Variants in MT1B observed in about 807,000 individuals in gnomAD.
MT1B encodes the protein metallothionein-1B.
A neutral mutation model predicts 7.9 loss-of-function variants in MT1B; 4 were observed. The ratio of observed to expected loss-of-function variants is 0.51; its 90% CI spans 0.25 to 1.16. The LOEUF (loss-of-function observed/expected upper bound fraction) is 1.16. Ranked by LOEUF, MT1B falls within the 50% of genes most tolerant of loss-of-function variation. The pLI is 0.15. For missense variants in MT1B, 76 were observed against 75.2 expected, an observed-to-expected ratio of 1.01 and a Z score of -0.04; for synonymous variants, 22 against 27.6, an observed-to-expected ratio of 0.80 and a Z score of 0.63.
At chr16:56,652,525 T>C in intron 1 of MT1B, 46 bp from the exon 2 acceptor site, 1 of 1,580,822 alleles carries the variant, frequency 6.3e-7, no homozygotes, top group South Asian at 1.1e-5. Context: ...CTGCTGTACC[T>C]TCTGCATCTT....
At chr16:56,652,882 GT>G in intron 2 of MT1B, 91 bp from the exon 3 acceptor site, 1 of 1,419,298 alleles carries the variant, frequency 7.0e-7, no homozygotes, top group Non-Finnish European at 9.9e-7. Flanking sequence ...TCCTCTGGGT[GT>G]GGGGGCTGAA....
intron 1 of MT1B, 47 bp from the exon 2 acceptor site, chr16:56,652,524 C>T (rs1238539350): frequency 6.3e-7 from 1 of 1,578,180 alleles, no homozygotes; most frequent in Non-Finnish European, 8.7e-7. Context: ...ACTGCTGTAC[C>T]TTCTGCATCT....
At chr16:56,652,265 G>A (rs76335878) in intron 1 of MT1B, among the ~76,000 whole-genome samples, 157 of 152,352 alleles carry the variant, frequency 1.0e-3, no homozygotes, top group South Asian at 6.0e-3. Flanking sequence ...CTGAGCAGCC[G>A]GGAAGGGTGA....
intron 2 of MT1B, among the ~76,000 whole-genome samples, 156 bp downstream of exon 2, chr16:56,652,792 G>C (rs1875233): frequency 2.0e-5 from 3 of 152,028 alleles, no homozygotes; most frequent in East Asian, 3.9e-4. Flanking sequence ...GAGCTCAGAT[G>C]GGTCAGGGCA....
chr16:56,652,459 G>C, intron 1 of MT1B, 112 bp from the exon 2 acceptor site: 1 of 1,033,012 alleles, frequency 9.7e-7, no homozygotes, highest in South Asian at 1.3e-5. Context: ...AGTGGGAAAG[G>C]AGCTCTGATG....
At chr16:56,652,951 C>T in intron 2 of MT1B, 23 bp from the exon 3 acceptor site, 4 of 1,611,808 alleles carry the variant, frequency 2.5e-6, no homozygotes, top group Non-Finnish European at 3.4e-6. Context: ...GCTGTGACCT[C>T]TCACTCTCCC....
chr16:56,652,559 G>T lies in MT1B; in HGVS notation c.29-12G>T, dbSNP rs964374. 810,713 of 1,612,536 alleles carry T rather than the reference G, an allele frequency of 0.5. 206,790 individuals are homozygous for T. The highest frequency in any genetic ancestry group is 0.52 in the Non-Finnish European group (616,975 of 1,179,066). On this transcript the variant is annotated splice_polypyrimidine_tract_variant and intron_variant, in intron 1 of 2. Transcript: ENST00000334346. ...TTACTCACTGCCCACTGCCTTTTTC[G>T]CTTCCTTGCAGGTGGCTCCTGTGCC... is the stretch of plus-strand genomic sequence containing the variant.
chr16:56,652,434 T>A, intron 1 of MT1B, 137 bp from the exon 2 acceptor site: 1 of 861,020 alleles, frequency 1.2e-6, no homozygotes, highest in Non-Finnish European at 1.9e-6. Context: ...ATGGGGCTTC[T>A]GTTCCTCCGC....
In MT1B at chr16:56,653,001, G is replaced by T. The variant is rs142263549; in HGVS notation, c.122G>T (p.Cys41Phe). ...TGCTGCTCTTGCTGCCCCGTGGGCT[G>T]TGCCAAGTGTGCCCAGGGCTGTGTC... ...KCCCSCCPVG[C>F]AKCAQGCVCK... The change falls in exon 3 of 3, where the codon TGT (cysteine) becomes TTT (phenylalanine). Residue 41 changes from cysteine (C) to phenylalanine (F), a missense_variant. Cys to Phe is a radical substitution (Grantham distance 205). Coordinates refer to ENST00000334346, the MANE Select transcript of MT1B (RefSeq NM_005947.3). 1 of 1,613,522 alleles carries T rather than the reference G, an allele frequency of 6.2e-7. No individual in the cohort carries two copies. The highest frequency in any genetic ancestry group is 8.5e-7 in the Non-Finnish European group (1 of 1,179,990).
chr16:56,652,627 T>C lies in MT1B; in HGVS notation c.85T>C (p.Cys29Arg). The C allele has an allele frequency of 6.2e-7, 1 of 1,614,004 alleles. No homozygotes were observed. Among genetic ancestry groups the C allele is most frequent in the Non-Finnish European group, 8.5e-7 (1 of 1,179,924 alleles). The change falls in exon 2 of 3, where the codon TGC becomes CGC. Residue 29 changes from cysteine (C) to arginine (R), a missense_variant. By Grantham distance (180) the Cys-to-Arg change is radical. Transcript: ENST00000334346. ...GTGCAAAGAGTGCAAATGTACCTCCTGCAAGAAGTGTGAGTGTGGGATCAT... is the reference window on the plus strand; with the variant it reads ...GTGCAAAGAGTGCAAATGTACCTCCCGCAAGAAGTGTGAGTGTGGGATCAT... ...CKCKECKCTSCKKCCCSCCPV... is the reference protein window; with the variant it reads ...CKCKECKCTSRKKCCCSCCPV...
Position 56,652,994 on chromosome 16 carries a change from G to A in MT1B, c.115G>A (p.Val39Met), listed in dbSNP as rs201699564. 367 of 1,613,350 alleles carry A rather than the reference G, an allele frequency of 2.3e-4. 1 individual carries two copies. Among genetic ancestry groups the A allele is most frequent in the Admixed American group, 9.7e-4 (58 of 60,024 alleles). ...CKKCCCSCCP[V>M]GCAKCAQGCV... ...CCCAGGCTGCTGCTCTTGCTGCCCC[G>A]TGGGCTGTGCCAAGTGTGCCCAGGG... The change falls in exon 3 of 3, where the codon GTG becomes ATG. Residue 39 changes from valine to methionine, a missense_variant. By Grantham distance (21) the Val-to-Met change is conservative (BLOSUM62 1). Transcript: ENST00000334346.
In MT1B at chr16:56,652,598, G is replaced by C. The variant is rs61744104; in HGVS notation, c.56G>C (p.Cys19Ser). The C allele has an allele frequency of 5.5e-3, 8,881 of 1,613,984 alleles. 43 individuals are homozygous for C. Among genetic ancestry groups the C allele is most frequent in the African/African-American group, 9.7e-3 (726 of 75,048 alleles). ...TGGSCACAGS[C>S]KCKECKCTSC... ...GGCTCCTGTGCCTGCGCCGGCTCCT[G>C]CAAGTGCAAAGAGTGCAAATGTACC... is the stretch of plus-strand genomic sequence containing the variant. The change falls in exon 2 of 3, where the codon TGC becomes TCC. Residue 19 changes from cysteine to serine, a missense_variant. By Grantham distance (112) the Cys-to-Ser change is moderately radical. Transcript: ENST00000334346.
rs142263549 is a variant in MT1B at position 56,653,001 on chromosome 16, G to C, written c.122G>C (p.Cys41Ser). The change falls in exon 3 of 3, where the codon TGT becomes TCT. Residue 41 changes from cysteine to serine, a missense_variant. Coordinates refer to ENST00000334346, the MANE Select transcript of MT1B (RefSeq NM_005947.3). ...KCCCSCCPVG[C>S]AKCAQGCVCK... Reference sequence around the variant, plus strand: ...TGCTGCTCTTGCTGCCCCGTGGGCTGTGCCAAGTGTGCCCAGGGCTGTGTC... The same window carrying C: ...TGCTGCTCTTGCTGCCCCGTGGGCTCTGCCAAGTGTGCCCAGGGCTGTGTC... 2,396 of 1,613,510 alleles carry C rather than the reference G, an allele frequency of 1.5e-3. 11 individuals carry two copies. The highest frequency in any genetic ancestry group is 1.3e-3 in the Non-Finnish European group (1,565 of 1,179,984).
chr16:56,652,739 G>A (rs1344310319), intron 2 of MT1B, 103 bp downstream of exon 2: 22 of 1,427,970 alleles, frequency 1.5e-5, no homozygotes, highest in Non-Finnish European at 1.2e-5. Flanking sequence ...GTCTTCCTTT[G>A]CCCCTGTTGG....
In MT1B at chr16:56,653,013, C is replaced by T; in HGVS notation, c.134C>T (p.Ala45Val). 1.2e-6 allele frequency: 2 copies of T among 1,613,574 alleles called. No individual in the cohort carries two copies. The highest frequency in any genetic ancestry group is 1.7e-6 in the Non-Finnish European group (2 of 1,179,974). Residue 45 changes from alanine to valine, a missense_variant, in exon 3 of 3, where the codon GCC becomes GTC. By Grantham distance (64) the Ala-to-Val change is moderately conservative. Transcript: ENST00000334346. ...SCCPVGCAKC[A>V]QGCVCKGSSE... ...TGCCCCGTGGGCTGTGCCAAGTGTG[C>T]CCAGGGCTGTGTCTGCAAAGGCTCA... is the stretch of plus-strand genomic sequence containing the variant.
At position 56,653,053 on chromosome 16, in the gene MT1B, C is replaced by T. The variant is rs1960575700; in HGVS notation, c.174C>T (p.Arg58=). 6.2e-7 allele frequency: 1 copy of T among 1,613,996 alleles called. No homozygotes were observed. Among genetic ancestry groups the T allele is most frequent in the Non-Finnish European group, 8.5e-7 (1 of 1,179,978 alleles). Residue 58 remains arginine, a synonymous_variant, in exon 3 of 3, where the codon CGC becomes CGT. Transcript: ENST00000334346. The part of the protein sequence containing the change: ...CVCKGSSEKC[R]CCA ...GCAAAGGCTCATCAGAGAAGTGCCG[C>T]TGCTGTGCCTGATGTTGGGAGAGCC...
intron 2 of MT1B, 51 bp downstream of exon 2, chr16:56,652,687 G>A (rs779339207): frequency 1.9e-6 from 3 of 1,605,166 alleles, no homozygotes; most frequent in East Asian, 2.2e-5. Context: ...AAGCTTGGAA[G>A]GGAACACAAG....
chr16:56,652,757 A>G, intron 2 of MT1B, 121 bp downstream of exon 2: 1 of 1,337,758 alleles, frequency 7.5e-7, no homozygotes, highest in Non-Finnish European at 1.1e-6. Context: ...TGGCTGTGTC[A>G]TTCCCTCTCC....
In MT1B at chr16:56,652,970, C is replaced by T. The variant is rs1331772885; in HGVS notation, c.95-4C>T. On this transcript the variant is annotated splice_polypyrimidine_tract_variant and splice_region_variant and intron_variant, in intron 2 of 2. Coordinates refer to ENST00000334346, the MANE Select transcript of MT1B (RefSeq NM_005947.3). ...TGACCTCTCACTCTCCCCTTCTTCCCCAGGCTGCTGCTCTTGCTGCCCCGT... is the reference window on the plus strand; with the variant it reads ...TGACCTCTCACTCTCCCCTTCTTCCTCAGGCTGCTGCTCTTGCTGCCCCGT... The T allele has an allele frequency of 6.2e-7, 1 of 1,612,964 alleles. No homozygotes were observed. The highest frequency in any genetic ancestry group is 1.3e-5 in the African/African-American group (1 of 75,014).
Sources: gnomAD v4.1 joint callset for allele counts (sites outside exome capture counted in the v4.1 genomes callset) on GRCh38, gnomAD v4.1.1 for gene constraint, MANE v1.5 for transcripts, NCBI Gene and HGNC (gene_info 2026-07-23, HGNC 2026-07-21) for gene names.